CERS3: variants seen among roughly 807,000 people sequenced by gnomAD.
CERS3 encodes ceramide synthase 3.
Under a neutral mutation model 50.3 loss-of-function variants are expected in CERS3, and 33 were observed. That is an observed-to-expected ratio of 0.66 (90% confidence interval 0.50 to 0.88). CERS3 has a LOEUF of 0.88. CERS3 is among the 40% of genes least tolerant of loss of function. The pLI, the probability that CERS3 is intolerant of heterozygous loss-of-function variation, is 0.00. For missense variants in CERS3, 470 were observed against 460.3 expected (o/e 1.02, Z -0.19); for synonymous variants, 176 against 155.2 (o/e 1.13, Z -0.99).
At chr15:100,497,306 A>ATGTATGTGTG (rs1555531979) in intron 3 of CERS3, among the ~76,000 whole-genome samples, 1 of 145,862 alleles carries the variant, frequency 6.9e-6, no homozygotes, top group Non-Finnish European at 1.5e-5. Flanking sequence ...GCATATATGT[A>ATGTATGTGTG]TGTGTGTGTG....
At position 100,541,419 on chromosome 15, in the gene CERS3, C is replaced by A. The variant is rs974142326; in HGVS notation, c.-355+3232G>T. 2.4e-4 allele frequency among the ~76,000 whole-genome samples: 37 copies of A among 152,180 alleles called. 1 individual carries two copies. The highest frequency in any genetic ancestry group is 8.9e-4 in the African/African-American group (37 of 41,522). On this transcript the variant is annotated intron_variant, in intron 1 of 12. Coordinates refer to the CERS3 transcript ENST00000284382. ...CCCAGGAAGCGGAGGTTGCAGTGAG[C>A]CAAGATCGTGCCACTGCACTCCAGC...
chr15:100,502,476 G>A (rs141762402), intron 2 of CERS3, among the ~76,000 whole-genome samples: 47 of 152,134 alleles, frequency 3.1e-4, no homozygotes, highest in African/African-American at 1.1e-3. Context: ...CTTTGTGTAT[G>A]ATTCTATGGT....
intron 10 of CERS3, among the ~76,000 whole-genome samples, chr15:100,458,268 A>C (rs769426861): frequency 2.6e-5 from 4 of 152,126 alleles, no homozygotes; most frequent in Non-Finnish European, 5.9e-5. Flanking sequence ...TTCTTTTGTA[A>C]GTTATCAGTT....
intron 10 of CERS3, among the ~76,000 whole-genome samples, chr15:100,457,570 C>T (rs574856577): frequency 1.3e-5 from 2 of 152,304 alleles, no homozygotes; most frequent in East Asian, 3.9e-4. Flanking sequence ...TTTTTACCTA[C>T]TGAGGAGCAT....
intron 10 of CERS3, among the ~76,000 whole-genome samples, chr15:100,457,248 A>G (rs1199575388): frequency 1.3e-5 from 2 of 152,162 alleles, no homozygotes; most frequent in African/African-American, 2.4e-5. Flanking sequence ...AATGAATTTA[A>G]TATGTCTATA....
chr15:100,436,389 G>C (rs570042060), intron 11 of CERS3, among the ~76,000 whole-genome samples: 1 of 152,146 alleles, frequency 6.6e-6, no homozygotes, highest in Non-Finnish European at 1.5e-5. Flanking sequence ...ACCAAACACT[G>C]CCTGTTCTCA....
At chr15:100,503,830 C>T (rs375924754) in intron 2 of CERS3, 1 of 452,372 alleles carries the variant, frequency 2.2e-6, no homozygotes, top group Non-Finnish European at 4.5e-6. Flanking sequence ...GCAGTGGGGA[C>T]CAGAGGGAAT....
At chr15:100,510,925 G>C (rs2036320416) in intron 2 of CERS3, among the ~76,000 whole-genome samples, 1 of 152,196 alleles carries the variant, frequency 6.6e-6, no homozygotes, top group Admixed American at 6.5e-5. Context: ...GAAAAGATAA[G>C]TAAACAAGAG....
intron 10 of CERS3, among the ~76,000 whole-genome samples, chr15:100,457,732 A>G (rs2034423277): frequency 6.6e-6 from 1 of 152,240 alleles, no homozygotes; most frequent in African/African-American, 2.4e-5. Flanking sequence ...TTAACTTTAT[A>G]ATAAACTGAA....
intron 5 of CERS3, among the ~76,000 whole-genome samples, chr15:100,482,803 G>A (rs140729060): frequency 2.5e-3 from 380 of 152,162 alleles, no homozygotes; most frequent in African/African-American, 8.4e-3. Flanking sequence ...AGAAATAAGC[G>A]CCCGGAGATT....
Position 100,490,830 on chromosome 15 carries a change from C to T in CERS3, c.275G>A (p.Arg92Lys). The change falls in exon 4 of 12, where the codon AGG becomes AAG. Residue 92 changes from arginine to lysine, a missense_variant. Arg to Lys is a conservative substitution (Grantham distance 26). Transcript: ENST00000679737. ...ATTTGTACTTACTTGCAATGGTTGC[C>T]TTGTGGAATGTTTGAAAAAATTCTC... ...VLENFFKHST[R>K]QPLQTDIYGL... is the part of the protein sequence containing the mutation. 1.2e-6 allele frequency: 2 copies of T among 1,603,984 alleles called. No individual in the cohort carries two copies. Among genetic ancestry groups the T allele is most frequent in the Admixed American group, 3.3e-5 (2 of 59,802 alleles).
intron 4 of CERS3, among the ~76,000 whole-genome samples, chr15:100,486,073 C>T (rs979450198): frequency 3.9e-5 from 6 of 152,148 alleles, no homozygotes; most frequent in African/African-American, 4.8e-5. Context: ...CCAGAGAAAA[C>T]GTGCAGACCC....
At chr15:100,536,926 GCTT>G (rs2037088277) in intron 1 of CERS3, among the ~76,000 whole-genome samples, 1 of 152,212 alleles carries the variant, frequency 6.6e-6, no homozygotes. Flanking sequence ...GAAACAAAAT[GCTT>G]CTTATTCACC....
intron 11 of CERS3, among the ~76,000 whole-genome samples, chr15:100,413,825 C>G (rs371791904): frequency 1.4e-5 from 2 of 147,324 alleles, no homozygotes; most frequent in East Asian, 2.0e-4. Context: ...TGCACATGAA[C>G]TAGAAAACCT....
Position 100,483,781 on chromosome 15 carries a change from A to ATTT in CERS3, c.407+768_407+769insAAA, listed in dbSNP as rs1267906519. On this transcript the variant is annotated intron_variant, in intron 5 of 11. Transcript: ENST00000679737. ...AGGATCAATAATAATAATAATTATTATTATTATTTTTTTTTTTGAGACAGA... is the reference window on the plus strand; with the variant it reads ...AGGATCAATAATAATAATAATTATTATTTTTATTATTTTTTTTTTTGAGACAGA... Among the ~76,000 whole-genome samples the ATTT allele has an allele frequency of 9.9e-3, 765 of 77,490 alleles. 39 individuals are homozygous for ATTT. The highest frequency in any genetic ancestry group is 0.043 in the East Asian group (120 of 2,762). The allele number at this position is 77,490 out of a possible 152,430, so 50.8% of individuals were successfully genotyped here.
intron 11 of CERS3, among the ~76,000 whole-genome samples, chr15:100,421,515 A>T (rs2142090751): frequency 6.6e-6 from 1 of 151,924 alleles, no homozygotes; most frequent in East Asian, 1.9e-4. Context: ...TGCCCAAGGT[A>T]ATTTATAGAT....
chr15:100,452,068 C>T (rs962032331), intron 11 of CERS3, among the ~76,000 whole-genome samples: 3 of 152,140 alleles, frequency 2.0e-5, no homozygotes, highest in Non-Finnish European at 1.5e-5. Flanking sequence ...GATGGATCAT[C>T]TGGACGGAAT....
At chr15:100,460,791 C>G (rs2034525396) in intron 10 of CERS3, among the ~76,000 whole-genome samples, 1 of 152,158 alleles carries the variant, frequency 6.6e-6, no homozygotes, top group Non-Finnish European at 1.5e-5. Context: ...GACAAAAGGA[C>G]CTACTCAAAA....
intron 5 of CERS3, among the ~76,000 whole-genome samples, chr15:100,481,723 T>C (rs1405877779): frequency 6.6e-6 from 1 of 152,248 alleles, no homozygotes; most frequent in Non-Finnish European, 1.5e-5. Context: ...AGAAAGATCA[T>C]AAAACTTACG....
Sources: gnomAD v4.1 joint callset for allele counts (sites outside exome capture counted in the v4.1 genomes callset) on GRCh38, gnomAD v4.1.1 for gene constraint, MANE v1.5 for transcripts, NCBI Gene and HGNC (gene_info 2026-07-23, HGNC 2026-07-21) for gene names.